ZNF585B: variants seen among roughly 807,000 people sequenced by gnomAD.
ZNF585B encodes zinc finger protein 41-like protein.
In ZNF585B, 7 loss-of-function variants were observed where a neutral mutation model predicts 14.0. That is an observed-to-expected ratio of 0.50 (90% CI 0.28 to 0.94). The LOEUF is 0.94. Among genes scored for constraint, ZNF585B ranks in the 40% least tolerant of loss-of-function variants. The pLI is 0.09. For missense variants in ZNF585B, 750 were observed against 924.4 expected, an observed-to-expected ratio of 0.81 and a Z score of 2.45; for synonymous variants, 290 against 317.3, an observed-to-expected ratio of 0.91 and a Z score of 0.91.
In ZNF585B at chr19:37,207,107, G is replaced by A. The variant is rs369158603; in HGVS notation, c.5C>T (p.Pro2Leu). 1.1e-5 allele frequency: 17 copies of A among 1,614,044 alleles called. No individual in the cohort carries two copies. The African/African-American group carries it at 2.0e-4, about 19-fold the overall frequency. M[P>L]ASWTSPQKSS... The stretch of plus-strand genomic sequence containing the variant: ...TTTCTGGGGTGAGGTCCAACTAGCT[G>A]GCATGGCCACACTGGATCTCAACCC... Residue 2 changes from proline (P) to leucine (L), a missense_variant, in exon 2 of 5, where the codon CCA becomes CTA. By Grantham distance (98) the Pro-to-Leu change is moderately conservative (BLOSUM62 -3). Coordinates refer to ENST00000532828, the MANE Select transcript of ZNF585B (RefSeq NM_152279.4).
rs776891752 is a variant in ZNF585B at position 37,187,064 on chromosome 19, T to C, written c.473A>G (p.Tyr158Cys). 6 of 1,613,734 alleles carry C rather than the reference T, an allele frequency of 3.7e-6. No homozygotes were observed. In the East Asian group the frequency reaches 8.9e-5, roughly 24 times the overall value. Residue 158 changes from tyrosine to cysteine, a missense_variant, in exon 5 of 5, where the codon TAT becomes TGT. Transcript: ENST00000532828. ...AGCCCTCCCACATTCAATACATACA[T>C]AGAGTTTTTCTCCTGTAGGAACTTT... is the stretch of plus-strand genomic sequence containing the variant. ...HLKVPTGEKL[Y>C]VCIECGRAFV...
chr19:37,188,325 A>G (rs548246520), intron 4 of ZNF585B, among the ~76,000 whole-genome samples: 2 of 152,212 alleles, frequency 1.3e-5, no homozygotes, highest in East Asian at 3.9e-4. Flanking sequence ...CAACTCTACT[A>G]AAAATACAAT....
intron 2 of ZNF585B, among the ~76,000 whole-genome samples, chr19:37,198,544 T>C (rs2145440309): frequency 6.6e-6 from 1 of 151,920 alleles, no homozygotes; most frequent in South Asian, 2.1e-4. Context: ...AATATCAGCC[T>C]GACCAATGTG....
chr19:37,185,931 T>A lies in ZNF585B; in HGVS notation c.1606A>T (p.Asn536Tyr). ...TGAATTTTCTGATGTATATTAAGAT[T>A]TGACTTCTGAGTAAAGGCTTTTCCA... ...TCGKAFTQKS[N>Y]LNIHQKIHTG... Residue 536 changes from asparagine (N) to tyrosine (Y), a missense_variant, in exon 5 of 5, where the codon AAT becomes TAT. Physicochemically the swap from Asn to Tyr is moderately radical, Grantham distance 143. Coordinates refer to ENST00000532828, the MANE Select transcript of ZNF585B (RefSeq NM_152279.4). 1 of 1,613,914 alleles carries A rather than the reference T, an allele frequency of 6.2e-7. No homozygotes were observed. Among genetic ancestry groups the A allele is most frequent in the Non-Finnish European group, 8.5e-7 (1 of 1,179,960 alleles).
At chr19:37,204,268 C>G (rs893653463) in intron 2 of ZNF585B, among the ~76,000 whole-genome samples, 1 of 152,174 alleles carries the variant, frequency 6.6e-6, no homozygotes, top group Non-Finnish European at 1.5e-5. Context: ...TTGGCTCACT[C>G]TCTTATTTTT....
intron 4 of ZNF585B, among the ~76,000 whole-genome samples, chr19:37,188,556 C>T (rs1157311647): frequency 6.6e-6 from 1 of 152,172 alleles, no homozygotes; most frequent in Non-Finnish European, 1.5e-5. Flanking sequence ...GTAATCCCAG[C>T]TACTCGGGAG....
Position 37,207,147 on chromosome 19 carries a change from G to A in ZNF585B, c.-36C>T, listed in dbSNP as rs760680964. On this transcript the variant is annotated 5_prime_UTR_variant, in exon 2 of 5. Coordinates refer to ENST00000532828, the MANE Select transcript of ZNF585B (RefSeq NM_152279.4). The stretch of plus-strand genomic sequence containing the variant: ...GATCTCAACCCTTTTTGTCTAGGGT[G>A]CCTGAAGTTTAGTGGTCATCTGTGA... The A allele has an allele frequency of 5.6e-6, 9 of 1,613,312 alleles. No homozygotes were observed. In the East Asian group the frequency reaches 1.8e-4, roughly 32 times the overall value.
intron 1 of ZNF585B, among the ~76,000 whole-genome samples, chr19:37,208,956 C>T (rs570213151): frequency 2.2e-4 from 33 of 151,610 alleles, no homozygotes; most frequent in Non-Finnish European, 4.1e-4. Flanking sequence ...CACGGCATTG[C>T]ACTCCAGCCT....
intron 2 of ZNF585B, among the ~76,000 whole-genome samples, chr19:37,198,744 GAA>G (rs61435592): frequency 0.47 from 48,642 of 104,242 alleles, 8,124 homozygotes; most frequent in African/African-American, 0.58. Flanking sequence ...CTCAGAAAAA[GAA>G]AAAAAAAAAA....
chr19:37,196,738 C>G (rs1034982852), intron 2 of ZNF585B, among the ~76,000 whole-genome samples: 1 of 152,064 alleles, frequency 6.6e-6, no homozygotes, highest in African/African-American at 2.4e-5. Flanking sequence ...TTTTGATTTT[C>G]TTAAAAGCAT....
At chr19:37,206,183 G>A (rs1464065518) in intron 2 of ZNF585B, among the ~76,000 whole-genome samples, 2 of 152,052 alleles carry the variant, frequency 1.3e-5, no homozygotes, top group African/African-American at 2.4e-5. Flanking sequence ...TGGGAACAGT[G>A]GCTCATGCCT....
intron 4 of ZNF585B, 116 bp downstream of exon 4, chr19:37,189,545 G>A (rs1192851454): frequency 1.8e-6 from 2 of 1,130,734 alleles, no homozygotes; most frequent in East Asian, 2.5e-5. Context: ...AAAATTCAGA[G>A]CCTTACTGAA....
In ZNF585B at chr19:37,190,134, C is replaced by T; in HGVS notation, c.89G>A (p.Arg30Lys). Residue 30 changes from arginine to lysine, a missense_variant, in exon 3 of 5, where the codon AGG becomes AAG. By Grantham distance (26) the Arg-to-Lys change is conservative. This residue lies in a region of ZNF585B where 517 missense variants were observed against 570.3 expected (regional missense o/e 0.91). Transcript: ENST00000532828. ...GSSYEGSVSF[R>K]DVAIDFSREE... ...TCTGCTGAAATCGATAGCCACATCC[C>T]TGAAGGACACTGATCCCTGTAAGGG... 6.2e-7 allele frequency: 1 copy of T among 1,614,196 alleles called. No individual in the cohort carries two copies. The highest frequency in any genetic ancestry group is 8.5e-7 in the Non-Finnish European group (1 of 1,180,034).
chr19:37,200,432 C>T (rs548812616), intron 2 of ZNF585B, among the ~76,000 whole-genome samples: 1 of 151,460 alleles, frequency 6.6e-6, no homozygotes, highest in East Asian at 2.0e-4. Flanking sequence ...CGCCTGTAAT[C>T]CCAGCTCCTC....
chr19:37,199,523 C>A, intron 2 of ZNF585B: 1 of 444,852 alleles, frequency 2.2e-6, no homozygotes, highest in South Asian at 1.6e-5. Context: ...GACCCCGTTT[C>A]AAAAAACAAT....
chr19:37,194,619 C>T (rs1265897754), intron 2 of ZNF585B, among the ~76,000 whole-genome samples: 1 of 151,988 alleles, frequency 6.6e-6, no homozygotes, highest in Non-Finnish European at 1.5e-5. Flanking sequence ...ATCTCAAAAA[C>T]AAACAAACAA....
intron 2 of ZNF585B, among the ~76,000 whole-genome samples, chr19:37,195,345 CAAAAAAA>C (rs71177429): frequency 0.013 from 185 of 14,284 alleles, no homozygotes; most frequent in African/African-American, 0.038. Flanking sequence ...GACTCTGACT[CAAAAAAA>C]AAAAAAAAAA....
intron 1 of ZNF585B, among the ~76,000 whole-genome samples, chr19:37,207,667 A>G (rs543129163): frequency 2.0e-5 from 3 of 152,284 alleles, no homozygotes; most frequent in Admixed American, 2.0e-4. Flanking sequence ...TAAGGATGAA[A>G]ATGCCTGTGT....
At chr19:37,202,174 T>G (rs1972537352) in intron 2 of ZNF585B, among the ~76,000 whole-genome samples, 1 of 152,020 alleles carries the variant, frequency 6.6e-6, no homozygotes, top group South Asian at 2.1e-4. Context: ...GCCTAATTTT[T>G]GTATTTTTAA....
Sources: gnomAD v4.1 joint callset for allele counts (sites outside exome capture counted in the v4.1 genomes callset) on GRCh38, gnomAD v4.1.1 for gene constraint, gnomAD v4.1.1 regional missense constraint, MANE v1.5 for transcripts, NCBI Gene and HGNC (gene_info 2026-07-23, HGNC 2026-07-21) for gene names.